GLT1D1: variants seen among roughly 807,000 people sequenced by gnomAD.
GLT1D1 encodes glycosyltransferase 1 domain containing 1.
A neutral mutation model predicts 28.7 loss-of-function variants in GLT1D1; 21 were observed. That is an observed-to-expected ratio of 0.73 (90% CI 0.52 to 1.05). GLT1D1 has a LOEUF of 1.05. GLT1D1 is among the 50% of genes least tolerant of loss of function. The pLI, the probability that GLT1D1 is intolerant of heterozygous loss-of-function variation, is 0.00. For synonymous variants in GLT1D1, 147 were observed against 124.8 expected, an observed-to-expected ratio of 1.18 and a Z score of -1.19; for missense variants, 343 against 330.6, an observed-to-expected ratio of 1.04 and a Z score of -0.29.
intron 2 of GLT1D1, 116 bp from the exon 3 acceptor site, chr12:128,888,523 C>T (rs775496353): frequency 1.0e-5 from 7 of 667,056 alleles, no homozygotes; most frequent in Non-Finnish European, 1.9e-5. Context: ...AAATGTACAG[C>T]AACAAACAGC....
intron 7 of GLT1D1, among the ~76,000 whole-genome samples, chr12:128,960,252 A>G (rs1331422503): frequency 6.6e-6 from 1 of 152,192 alleles, no homozygotes; most frequent in African/African-American, 2.4e-5. Context: ...ACACGTTGAA[A>G]GAGTGTGCTA....
intron 7 of GLT1D1, among the ~76,000 whole-genome samples, chr12:128,976,705 G>A (rs1160247632): frequency 6.6e-6 from 1 of 152,190 alleles, no homozygotes; most frequent in Non-Finnish European, 1.5e-5. Flanking sequence ...CTTTAAAACC[G>A]TAACGTTTTA....
At chr12:128,967,812 G>T (rs1159098669) in intron 7 of GLT1D1, among the ~76,000 whole-genome samples, 1 of 152,122 alleles carries the variant, frequency 6.6e-6, no homozygotes, top group Non-Finnish European at 1.5e-5. Context: ...ATAATTCTTG[G>T]AAGTTCAACG....
chr12:128,960,621 G>T (rs545603505), intron 7 of GLT1D1, among the ~76,000 whole-genome samples: 1 of 152,150 alleles, frequency 6.6e-6, no homozygotes, highest in Non-Finnish European at 1.5e-5. Flanking sequence ...GCCAGGTGTG[G>T]TGGTGGGTGC....
At chr12:128,937,869 T>C (rs1874724226) in intron 4 of GLT1D1, among the ~76,000 whole-genome samples, 1 of 152,176 alleles carries the variant, frequency 6.6e-6, no homozygotes, top group South Asian at 2.1e-4. Flanking sequence ...CCCAGCCCTT[T>C]GGAGCTGTGA....
chr12:128,936,634 T>A (rs1224784245), intron 4 of GLT1D1, among the ~76,000 whole-genome samples: 4 of 152,206 alleles, frequency 2.6e-5, no homozygotes, highest in Non-Finnish European at 5.9e-5. Context: ...TGGGTGCATT[T>A]TCTGGTGCTC....
At chr12:128,869,147 G>T (rs544968697) in intron 1 of GLT1D1, among the ~76,000 whole-genome samples, 1 of 152,086 alleles carries the variant, frequency 6.6e-6, no homozygotes, top group Non-Finnish European at 1.5e-5. Context: ...GGGAATACAG[G>T]CGTGAGCCAC....
At chr12:128,899,173 T>C in intron 3 of GLT1D1, 63 bp from the exon 4 acceptor site, 1 of 1,108,312 alleles carries the variant, frequency 9.0e-7, no homozygotes. Flanking sequence ...CAAAGAGCTG[T>C]TTCATAGTTC....
intron 7 of GLT1D1, among the ~76,000 whole-genome samples, chr12:128,958,603 A>AT (rs1420290585): frequency 1.3e-5 from 2 of 149,410 alleles, no homozygotes; most frequent in African/African-American, 4.9e-5. Flanking sequence ...AAAAAAAAAA[A>AT]AAAGCTGGGA....
intron 4 of GLT1D1, among the ~76,000 whole-genome samples, chr12:128,912,864 T>A (rs1871692156): frequency 6.6e-6 from 1 of 152,076 alleles, no homozygotes; most frequent in African/African-American, 2.4e-5. Context: ...GAAATGGGGT[T>A]TCGCCATGTT....
chr12:128,943,641 G>A (rs1199340511), intron 4 of GLT1D1, among the ~76,000 whole-genome samples: 8 of 152,116 alleles, frequency 5.3e-5, no homozygotes, highest in South Asian at 4.1e-4. Context: ...TTCTATATGC[G>A]AATGGATACA....
In GLT1D1 at chr12:128,874,124, CTCTTTCTT is replaced by C. The variant is rs756979442; in HGVS notation, c.69-1744_69-1737del. ...TCTCTCTCTCTCTCTCTCTCTCTCTCTCTTTCTTTCTTTCTTTCTTTCTTTCTTTCTTT... is the reference window on the plus strand; with the variant it reads ...TCTCTCTCTCTCTCTCTCTCTCTCTCTCTTTCTTTCTTTCTTTCTTTCTTT... On this transcript the variant is annotated intron_variant, in intron 1 of 7. Transcript: ENST00000281703. Among the ~76,000 whole-genome samples the C allele has an allele frequency of 8.3e-3, 326 of 39,198 alleles. 10 individuals carry two copies. Among genetic ancestry groups the C allele is most frequent in the East Asian group, 0.014 (14 of 968 alleles). The allele number at this position is 39,198 out of a possible 152,430, so 25.7% of individuals were successfully genotyped here. A position where few individuals can be genotyped will look rare whatever the true frequency, so the allele number is the denominator to read the frequency against.
intron 4 of GLT1D1, among the ~76,000 whole-genome samples, chr12:128,938,020 G>A (rs1424761845): frequency 6.6e-6 from 1 of 152,208 alleles, no homozygotes; most frequent in Non-Finnish European, 1.5e-5. Context: ...ATCGACGTAA[G>A]CTTATGAACT....
Position 128,958,776 on chromosome 12 carries a change from A to AC in GLT1D1, c.639+1133_639+1134insC, listed in dbSNP as rs1270650298. ...AAAAAAAAAAAAAAAAAAAAAAAAA[A>AC]AGGAAGGCATTGTCACTACGTATGC... On this transcript the variant is annotated intron_variant, in intron 7 of 7. Coordinates refer to ENST00000281703, the MANE Select transcript of GLT1D1 (RefSeq NM_144669.3). Among the ~76,000 whole-genome samples the AC allele has an allele frequency of 5.3e-3, 746 of 141,696 alleles. 33 individuals carry two copies. Among genetic ancestry groups the AC allele is most frequent in the African/African-American group, 0.02 (719 of 36,320 alleles). 93.0% of individuals were successfully genotyped at this position (141,696 alleles called of 152,430 possible).
chr12:128,898,416 A>C (rs1402714340), intron 3 of GLT1D1, among the ~76,000 whole-genome samples: 2 of 152,114 alleles, frequency 1.3e-5, no homozygotes, highest in Non-Finnish European at 2.9e-5. Context: ...GGCTCAAGTG[A>C]TCTTCCTGCC....
At chr12:128,936,126 GC>G (rs1481843187) in intron 4 of GLT1D1, among the ~76,000 whole-genome samples, 1 of 151,800 alleles carries the variant, frequency 6.6e-6, no homozygotes, top group Non-Finnish European at 1.5e-5. Flanking sequence ...TGGTTCCTAG[GC>G]AGCATCCTGT....
At chr12:128,903,161 A>G (rs1870479729) in intron 4 of GLT1D1, among the ~76,000 whole-genome samples, 1 of 151,734 alleles carries the variant, frequency 6.6e-6, no homozygotes, top group Non-Finnish European at 1.5e-5. Flanking sequence ...CAGAATTGGC[A>G]TAGATGAGTT....
chr12:128,959,772 G>A (rs1043277244), intron 7 of GLT1D1, among the ~76,000 whole-genome samples: 20 of 152,050 alleles, frequency 1.3e-4, no homozygotes, highest in African/African-American at 3.1e-4. Flanking sequence ...CAAAATCAAC[G>A]CCAGCCAAGC....
chr12:128,882,645 G>A (rs1618057), intron 2 of GLT1D1, among the ~76,000 whole-genome samples: 7 of 152,014 alleles, frequency 4.6e-5, no homozygotes, highest in Admixed American at 1.3e-4. Flanking sequence ...TTATATGAAC[G>A]TCAAAGTAAC....
Sources: gnomAD v4.1 joint callset for allele counts (sites outside exome capture counted in the v4.1 genomes callset) on GRCh38, gnomAD v4.1.1 for gene constraint, MANE v1.5 for transcripts, NCBI Gene and HGNC (gene_info 2026-07-23, HGNC 2026-07-21) for gene names.